MAPK6: variants seen among roughly 807,000 people sequenced by gnomAD.
MAPK6 encodes the protein ERK-3.
Under a neutral mutation model 59.3 loss-of-function variants are expected in MAPK6, and 19 were observed. That is an observed-to-expected ratio of 0.32 (90% CI 0.22 to 0.47). The LOEUF is 0.47. MAPK6 is among the 20% of genes least tolerant of loss of function. MAPK6 has a pLI of 1.00. For synonymous variants in MAPK6, 316 were observed against 290.3 expected (o/e 1.09, Z -0.90); for missense variants, 724 against 847.9 (o/e 0.85, Z 1.81).
At chr15:52,015,633 CG>C (rs1311584058), upstream of MAPK6, among the ~76,000 whole-genome samples, 5 of 151,338 alleles carry the variant, frequency 3.3e-5, no homozygotes, top group African/African-American at 7.3e-5. Context: ...CCACCACGCC[CG>C]GCTAATTTTT....
chr15:51,982,550 A>T (rs1324435704), intron 1 of MAPK6, among the ~76,000 whole-genome samples: 1 of 152,228 alleles, frequency 6.6e-6, no homozygotes, highest in Non-Finnish European at 1.5e-5. Context: ...TTTAGAAAGA[A>T]AATGTCCTGT....
intron 1 of MAPK6, among the ~76,000 whole-genome samples, chr15:52,031,638 A>G (rs759767208): frequency 5.3e-5 from 8 of 152,122 alleles, no homozygotes; most frequent in Admixed American, 1.3e-4. Context: ...CAAGACTAGC[A>G]TAGGCAACAT....
chr15:52,016,097 C>CACAT (rs1292783963), upstream of MAPK6, among the ~76,000 whole-genome samples: 6 of 143,400 alleles, frequency 4.2e-5, no homozygotes, highest in African/African-American at 1.6e-4. Flanking sequence ...CACACACACA[C>CACAT]ACACACACAC....
intron 2 of MAPK6, among the ~76,000 whole-genome samples, chr15:51,987,211 A>G (rs1446358776): frequency 2.0e-5 from 3 of 152,200 alleles, no homozygotes; most frequent in Non-Finnish European, 4.4e-5. Context: ...TTATAATGCA[A>G]AAAGAAATCG....
intron 1 of MAPK6, chr15:52,033,865 A>G (rs1041176135): frequency 4.0e-5 from 6 of 148,208 alleles, no homozygotes; most frequent in East Asian, 2.0e-4. Flanking sequence ...AACATATTCT[A>G]TTGTCTTCTG....
At chr15:51,979,119 GAGAA>G (rs1452281864) in intron 1 of MAPK6, among the ~76,000 whole-genome samples, 67 of 121,810 alleles carry the variant, frequency 5.5e-4, no homozygotes, top group African/African-American at 1.4e-3. Context: ...AAAAAAAAGA[GAGAA>G]AGAAAGGAAG....
chr15:52,051,041 A>G (rs1258391470), intron 3 of MAPK6, among the ~76,000 whole-genome samples: 1 of 152,034 alleles, frequency 6.6e-6, no homozygotes, highest in South Asian at 2.1e-4. Flanking sequence ...CTTTTGACAT[A>G]ACTTTTTCCC....
chr15:52,058,880 T>G (rs2141120011), intron 4 of MAPK6, 83 bp downstream of exon 4: 1 of 1,194,314 alleles, frequency 8.4e-7, no homozygotes, highest in East Asian at 2.5e-5. Flanking sequence ...CTTTTTATCC[T>G]TAGATATGGG....
At chr15:51,978,399 G>A (rs921178467) in intron 1 of MAPK6, among the ~76,000 whole-genome samples, 2 of 151,986 alleles carry the variant, frequency 1.3e-5, no homozygotes, top group Admixed American at 1.3e-4. Context: ...CTCCCAGTAT[G>A]CTGGGATTCC....
In MAPK6 at chr15:52,020,457, CTT is replaced by C. The variant is rs561016443; in HGVS notation, c.-632+1092_-632+1093del. 9.6e-5 allele frequency among the ~76,000 whole-genome samples: 14 copies of C among 146,100 alleles called. 1 individual carries two copies. The highest frequency in any genetic ancestry group is 3.2e-4 in the African/African-American group (13 of 40,008). On this transcript the variant is annotated intron_variant, in intron 1 of 5. Coordinates refer to ENST00000261845, the MANE Select transcript of MAPK6 (RefSeq NM_002748.4). ...GCTAAAGATGCAGTCTCAGTAATGA[CTT>C]TTTTTTTTTTAACGGATACAGATGA...
chr15:52,039,558 C>T (rs2031352311), intron 1 of MAPK6, among the ~76,000 whole-genome samples: 1 of 141,292 alleles, frequency 7.1e-6, no homozygotes. Flanking sequence ...CTCTGTTGCC[C>T]AAGCTGGAGT....
intron 3 of MAPK6, among the ~76,000 whole-genome samples, chr15:52,051,054 T>G (rs1056240382): frequency 6.6e-6 from 1 of 151,906 alleles, no homozygotes. Context: ...TTTTTCCCCC[T>G]CTATACCCAT....
intron 2 of MAPK6, among the ~76,000 whole-genome samples, chr15:52,001,351 A>G (rs1414062407): frequency 6.6e-6 from 1 of 152,160 alleles, no homozygotes; most frequent in Non-Finnish European, 1.5e-5. Context: ...AAGCAAATTA[A>G]GACACCCATA....
At chr15:52,016,475 C>T (rs143608600), upstream of MAPK6, among the ~76,000 whole-genome samples, 15 of 152,154 alleles carry the variant, frequency 9.9e-5, no homozygotes, top group African/African-American at 3.6e-4. Flanking sequence ...ATAAATATAA[C>T]TTGAATTCCA....
intron 1 of MAPK6, among the ~76,000 whole-genome samples, chr15:51,976,993 G>T (rs1471690565): frequency 6.6e-6 from 1 of 151,292 alleles, no homozygotes; most frequent in Non-Finnish European, 1.5e-5. Flanking sequence ...ATCCATCCTA[G>T]AATTATTATT....
chr15:52,016,107 C>CACACACAAAA (rs1267339787), upstream of MAPK6, among the ~76,000 whole-genome samples: 1 of 136,212 alleles, frequency 7.3e-6, no homozygotes, highest in African/African-American at 2.8e-5. Flanking sequence ...CACACACACA[C>CACACACAAAA]AAACTAAAAC....
At chr15:52,017,869 C>G, upstream of MAPK6, 1 of 152,288 alleles carries the variant, frequency 6.6e-6, no homozygotes, top group Non-Finnish European at 1.5e-5. Context: ...TACGAGCTCT[C>G]GTTGCAGAAG....
chr15:52,019,292 C>G lies in MAPK6; in HGVS notation c.-716C>G, dbSNP rs1033204598. On this transcript the variant is annotated 5_prime_UTR_variant, in exon 1 of 6. Coordinates refer to ENST00000261845, the MANE Select transcript of MAPK6 (RefSeq NM_002748.4). ...CAAAGCGAGAGCCTCGGAGACGCCG[C>G]TGCCGCCAGCACAGCCGGAGACCTG... 7 of 152,124 alleles carry G rather than the reference C, an allele frequency of 4.6e-5. No homozygotes were observed. Among genetic ancestry groups the G allele is most frequent in the African/African-American group, 1.7e-4 (7 of 41,438 alleles). 9.4% of individuals were successfully genotyped at this position (152,124 alleles called of 1,614,324 possible).
At position 52,064,255 on chromosome 15, in the gene MAPK6, T is replaced by G; in HGVS notation, c.1421T>G (p.Ile474Arg). Residue 474 changes from isoleucine (I) to arginine (R), a missense_variant, in exon 6 of 6, where the codon ATA (isoleucine) becomes AGA (arginine). Ile to Arg is a moderately conservative substitution (Grantham distance 97). Around this residue, in one of 4 missense-constraint regions of MAPK6, gnomAD observed 502 missense variants for 507.6 expected, o/e 0.99. Coordinates refer to ENST00000261845, the MANE Select transcript of MAPK6 (RefSeq NM_002748.4). ...VNHYYEPKLIIDLSNWKEQSK... is the reference protein window; with the variant it reads ...VNHYYEPKLIRDLSNWKEQSK... ...CATTACTATGAACCCAAGCTTATTATAGATCTTTCCAATTGGAAAGAACAA... is the reference window on the plus strand; with the variant it reads ...CATTACTATGAACCCAAGCTTATTAGAGATCTTTCCAATTGGAAAGAACAA... 6.2e-7 allele frequency: 1 copy of G among 1,611,030 alleles called. No homozygotes were observed. The highest frequency in any genetic ancestry group is 8.5e-7 in the Non-Finnish European group (1 of 1,179,552).
Sources: allele counts gnomAD v4.1 joint callset (sites outside exome capture counted in the v4.1 genomes callset), GRCh38; gene constraint gnomAD v4.1.1; regional missense constraint gnomAD v4.1.1; transcripts MANE v1.5; gene names NCBI Gene and HGNC (gene_info 2026-07-23, HGNC 2026-07-21).